Variants in HM13 observed in about 807,000 individuals in gnomAD.
HM13 encodes the protein signal peptide peptidase.
In HM13, 18 loss-of-function variants were observed where a neutral mutation model predicts 50.0. That is an observed-to-expected ratio of 0.36 (90% CI 0.25 to 0.53). The LOEUF (loss-of-function observed/expected upper bound fraction) is 0.53, where lower values mean the gene tolerates loss of function less well. Among genes scored for constraint, HM13 ranks in the 20% least tolerant of loss-of-function variants. The pLI is 0.90. For synonymous variants in HM13, 197 were observed against 232.6 expected (o/e 0.85, Z 1.39); for missense variants, 393 against 552.4 (o/e 0.71, Z 2.89).
At chr20:31,540,095 C>T (rs1343194316) in intron 3 of HM13, 1 of 152,348 alleles carries the variant, frequency 6.6e-6, no homozygotes, top group Non-Finnish European at 1.5e-5. Flanking sequence ...CAGGGTTACA[C>T]AGCTGAGACT....
At chr20:31,554,648 C>T in intron 7 of HM13, 98 bp from the exon 8 acceptor site, 3 of 982,198 alleles carry the variant, frequency 3.1e-6, no homozygotes, top group Non-Finnish European at 4.6e-6. Context: ...CGCCACTGCA[C>T]TCCAGCCTGG....
rs769600146 is a variant in HM13, at chr20:31,527,538, A to G, written c.238A>G (p.Ile80Val). 17 of 1,614,014 alleles carry G rather than the reference A, an allele frequency of 1.1e-5. No homozygotes were observed. In the Admixed American group the frequency reaches 2.3e-4, roughly 22 times the overall value. ...ITSRDAARFPIIASCTLLGLY... is the reference protein window; with the variant it reads ...ITSRDAARFPVIASCTLLGLY... ...CAGCCGGGATGCCGCCCGCTTCCCC[A>G]TCATCGCCAGCTGCACACTCTTGGG... The change falls in exon 2 of 13, where the codon ATC (isoleucine) becomes GTC (valine). Residue 80 changes from isoleucine to valine, a missense_variant. Physicochemically the swap from Ile to Val is conservative, Grantham distance 29. Coordinates refer to ENST00000398174, the MANE Select transcript of HM13 (RefSeq NM_178581.3).
chr20:31,543,728 G>T (rs1054561619), intron 3 of HM13, among the ~76,000 whole-genome samples: 2 of 151,672 alleles, frequency 1.3e-5, no homozygotes, highest in Non-Finnish European at 2.9e-5. Flanking sequence ...TCAGGAGATC[G>T]AGACCATCCT....
chr20:31,538,136 T>A (rs1400428996), intron 2 of HM13, 43 bp from the exon 3 acceptor site: 1 of 1,607,968 alleles, frequency 6.2e-7, no homozygotes, highest in Admixed American at 1.7e-5. Context: ...TCACAGCCAC[T>A]GGCAACCCTA....
chr20:31,551,748 G>T (rs73233668), intron 7 of HM13, among the ~76,000 whole-genome samples: 1 of 152,154 alleles, frequency 6.6e-6, no homozygotes, highest in African/African-American at 2.4e-5. Flanking sequence ...GAGACTGGGG[G>T]AGATTCCACT....
chr20:31,569,061 G>T (rs1195390622), intron 12 of HM13, 59 bp from the exon 13 acceptor site: 1 of 1,252,702 alleles, frequency 8.0e-7, no homozygotes, highest in Admixed American at 2.2e-5. Context: ...GACAACCAAG[G>T]TTCTGCTCAC....
At chr20:31,547,638 T>C (rs1257514357) in intron 4 of HM13, 12 of 1,576,644 alleles carry the variant, frequency 7.6e-6, no homozygotes, top group Non-Finnish European at 1.0e-5. Context: ...AAATCATGCC[T>C]AAGAAAGATC....
intron 11 of HM13, chr20:31,567,815 T>C (rs1252719951): frequency 1.9e-5 from 8 of 423,736 alleles, no homozygotes; most frequent in Non-Finnish European, 4.2e-6. Context: ...CGGTATTTCT[T>C]AGAGGTGTTT....
At chr20:31,560,598 T>C (rs915567755) in intron 9 of HM13, among the ~76,000 whole-genome samples, 1 of 152,348 alleles carries the variant, frequency 6.6e-6, no homozygotes, top group East Asian at 1.9e-4. Context: ...CAGCCGTCTC[T>C]ACTCCTGGCT....
intron 3 of HM13, chr20:31,539,539 T>C (rs565109889): frequency 7.1e-6 from 7 of 982,018 alleles, no homozygotes; most frequent in Non-Finnish European, 8.5e-6. Flanking sequence ...CTCATGCCTG[T>C]AATCCCAGCA....
rs910972365 is a variant in HM13, at chr20:31,569,147, A to G, written c.1209A>G (p.Pro403=). 1.9e-6 allele frequency: 3 copies of G among 1,590,112 alleles called. No homozygotes were observed. Among genetic ancestry groups the G allele is most frequent in the East Asian group, 4.5e-5 (2 of 44,334 alleles). Residue 403 remains proline (P), a synonymous_variant, in exon 13 of 13, where the codon CCA becomes CCG. Coordinates refer to ENST00000398174, the MANE Select transcript of HM13 (RefSeq NM_178581.3). ...AIYEESNPKD[P]AAVTESKEGT... ...ATGAGGAGTCAAATCCTAAGGATCC[A>G]GCGGCAGTGACAGAATCCAAAGAGG...
At chr20:31,541,317 C>T (rs945733769) in intron 3 of HM13, 1 of 151,824 alleles carries the variant, frequency 6.6e-6, no homozygotes. Flanking sequence ...CCTGTCTCCA[C>T]AAAAAATACA....
At chr20:31,567,536 C>G (rs181009218) in intron 11 of HM13, 1 of 152,270 alleles carries the variant, frequency 6.6e-6, no homozygotes, top group African/African-American at 2.4e-5. Context: ...TCCCTCCTTT[C>G]TCCCCATTTC....
intron 1 of HM13, among the ~76,000 whole-genome samples, chr20:31,525,394 C>T (rs1982426310): frequency 1.3e-5 from 2 of 152,148 alleles, no homozygotes; most frequent in Admixed American, 1.3e-4. Flanking sequence ...TGGTTTTTGT[C>T]AGCCAAAATA....
In HM13 at chr20:31,566,050, G is replaced by A. The variant is rs1984888868; in HGVS notation, c.949-160G>A. 5 of 512,848 alleles carry A rather than the reference G, an allele frequency of 9.7e-6. No individual in the cohort carries two copies. The South Asian group carries it at 1.5e-4, about 15-fold the overall frequency. 31.8% of individuals were successfully genotyped at this position (512,848 alleles called of 1,614,324 possible). A position where few individuals can be genotyped will look rare whatever the true frequency, so the allele number is the denominator to read the frequency against. Reference sequence around the variant, plus strand: ...TCTCGGGAGGAGCAACCCTTGTCTGGGAGTTAGGAGCCCTGGGTTCAGGCC... The same window carrying A: ...TCTCGGGAGGAGCAACCCTTGTCTGAGAGTTAGGAGCCCTGGGTTCAGGCC... On this transcript the variant is annotated intron_variant, in intron 10 of 12. Coordinates refer to ENST00000398174, the MANE Select transcript of HM13 (RefSeq NM_178581.3).
chr20:31,549,470 C>T (rs1181400749), intron 6 of HM13, 138 bp downstream of exon 6: 3 of 1,028,742 alleles, frequency 2.9e-6, no homozygotes, highest in Non-Finnish European at 4.4e-6. Context: ...AGAGCAAGTC[C>T]TCTCTGGGCC....
At chr20:31,566,720 G>A (rs751769639) in intron 11 of HM13, among the ~76,000 whole-genome samples, 4 of 152,020 alleles carry the variant, frequency 2.6e-5, no homozygotes, top group African/African-American at 9.7e-5. Flanking sequence ...AAAGTGCCCC[G>A]AGTAGAAGGC....
intron 4 of HM13, chr20:31,547,789 C>A: frequency 1.1e-6 from 1 of 949,046 alleles, no homozygotes; most frequent in Non-Finnish European, 1.7e-6. Context: ...GCCACACCAG[C>A]AGGTTGATAA....
intron 2 of HM13, 114 bp from the exon 3 acceptor site, chr20:31,538,065 G>A (rs1046330094): frequency 8.3e-7 from 1 of 1,202,310 alleles, no homozygotes; most frequent in Non-Finnish European, 1.2e-6. Flanking sequence ...CTTCCTGACT[G>A]TCCCCCGACT....
Sources: gnomAD v4.1 joint callset for allele counts (sites outside exome capture counted in the v4.1 genomes callset) on GRCh38, gnomAD v4.1.1 for gene constraint, MANE v1.5 for transcripts, NCBI Gene and HGNC (gene_info 2026-07-23, HGNC 2026-07-21) for gene names.